CAMTA1: variants seen among roughly 807,000 people sequenced by gnomAD.
CAMTA1 encodes the protein calmodulin-binding transcription activator 1.
Under a neutral mutation model 170.9 loss-of-function variants are expected in CAMTA1, and 27 were observed. The ratio of observed to expected loss-of-function variants is 0.16; its 90% CI spans 0.12 to 0.22. The LOEUF is 0.22. Ranked by LOEUF, CAMTA1 falls within the 10% of genes least tolerant of loss-of-function variation. CAMTA1 has a pLI of 1.00. For synonymous variants in CAMTA1, 833 were observed against 891.5 expected (o/e 0.93, Z 1.17); for missense variants, 1,619 against 2,217.2 (o/e 0.73, Z 5.42).
chr1:7,018,123 CTGG>C (rs139734803), intron 3 of CAMTA1, among the ~76,000 whole-genome samples: 9,129 of 130,502 alleles, frequency 0.07, 1 homozygote, highest in East Asian at 0.095. Flanking sequence ...GGCACCACGC[CTGG>C]CTAATGCCAG....
chr1:7,255,418 C>T (rs1406545663), intron 5 of CAMTA1, among the ~76,000 whole-genome samples: 1 of 152,214 alleles, frequency 6.6e-6, no homozygotes, highest in Non-Finnish European at 1.5e-5. Flanking sequence ...AGTCCATACC[C>T]TACCGTATTC....
At chr1:6,846,073 A>G (rs1432377576) in intron 3 of CAMTA1, among the ~76,000 whole-genome samples, 17 of 152,200 alleles carry the variant, frequency 1.1e-4, no homozygotes, top group Admixed American at 1.1e-3. Flanking sequence ...TATGGGGGAA[A>G]CAGTCCCCAT....
At chr1:7,232,072 A>AGTGG (rs1261193420) in intron 4 of CAMTA1, among the ~76,000 whole-genome samples, 2 of 152,222 alleles carry the variant, frequency 1.3e-5, no homozygotes, top group South Asian at 4.1e-4. Flanking sequence ...GTTCTCCCTG[A>AGTGG]GTGGGTGGTC....
intron 5 of CAMTA1, among the ~76,000 whole-genome samples, chr1:7,464,997 T>C (rs1388388234): frequency 6.6e-6 from 1 of 152,200 alleles, no homozygotes; most frequent in Admixed American, 6.5e-5. Flanking sequence ...AAAGCGCGAC[T>C]CCACACAAGT....
In CAMTA1 at chr1:7,737,242, C is replaced by T. The variant is rs751669737; in HGVS notation, c.3343-13C>T. ...CTGATTGAGAACGCTTGCTGTGTCT[C>T]CCTGTCTTCTAGATGTGGGCGTGTG... On this transcript the variant is annotated splice_polypyrimidine_tract_variant and intron_variant, in intron 14 of 22. Transcript: ENST00000303635. 5.6e-6 allele frequency: 9 copies of T among 1,609,118 alleles called. No homozygotes were observed. The highest frequency in any genetic ancestry group is 7.6e-6 in the Non-Finnish European group (9 of 1,176,990).
intron 4 of CAMTA1, among the ~76,000 whole-genome samples, chr1:7,135,936 A>G (rs1173531507): frequency 3.9e-5 from 6 of 152,172 alleles, no homozygotes; most frequent in Non-Finnish European, 4.4e-5. Flanking sequence ...GCCAAATCCA[A>G]TACACCTCTA....
chr1:7,103,635 A>G (rs980588282), intron 4 of CAMTA1, among the ~76,000 whole-genome samples: 13 of 130,716 alleles, frequency 9.9e-5, no homozygotes, highest in Non-Finnish European at 1.6e-4. Context: ...ACAACTACAC[A>G]CACGCACACA....
intron 16 of CAMTA1, among the ~76,000 whole-genome samples, chr1:7,739,418 A>G (rs1279477833): frequency 6.6e-6 from 1 of 152,196 alleles, no homozygotes; most frequent in East Asian, 1.9e-4. Flanking sequence ...AGAAGCTTGC[A>G]TGCTCACCAA....
At chr1:7,242,771 A>AAATAAAT (rs1553285049) in intron 4 of CAMTA1, among the ~76,000 whole-genome samples, 8 of 145,468 alleles carry the variant, frequency 5.5e-5, no homozygotes, top group African/African-American at 2.1e-4. Flanking sequence ...TACTGAAAAT[A>AAATAAAT]AAATAAATAA....
intron 14 of CAMTA1, 56 bp from the exon 15 acceptor site, chr1:7,737,199 C>A (rs1251295236): frequency 6.4e-7 from 1 of 1,554,584 alleles, no homozygotes; most frequent in Non-Finnish European, 8.8e-7. Context: ...TGGCAAAAGT[C>A]AGGTCTGGTC....
intron 5 of CAMTA1, among the ~76,000 whole-genome samples, chr1:7,403,937 G>A (rs1046536101): frequency 5.9e-5 from 9 of 152,174 alleles, no homozygotes; most frequent in Non-Finnish European, 1.0e-4. Flanking sequence ...GGCAGAGTCC[G>A]GGCCCCTGAC....
intron 3 of CAMTA1, among the ~76,000 whole-genome samples, chr1:7,049,157 T>C (rs1051341655): frequency 5.3e-5 from 8 of 152,174 alleles, no homozygotes; most frequent in Non-Finnish European, 1.2e-4. Context: ...GGGGTTCATG[T>C]ACGAACTACA....
At chr1:7,503,978 G>A (rs977597685) in intron 6 of CAMTA1, among the ~76,000 whole-genome samples, 6 of 152,184 alleles carry the variant, frequency 3.9e-5, no homozygotes, top group African/African-American at 9.6e-5. Context: ...GCCTCAGAAC[G>A]GGAGAACCAG....
intron 5 of CAMTA1, among the ~76,000 whole-genome samples, chr1:7,257,559 A>T (rs1404720168): frequency 8.3e-6 from 1 of 121,008 alleles, no homozygotes. Context: ...TCCACGGCAC[A>T]CCCACTCTGG....
At chr1:7,200,867 G>C (rs554290474) in intron 4 of CAMTA1, among the ~76,000 whole-genome samples, 1 of 152,234 alleles carries the variant, frequency 6.6e-6, no homozygotes, top group Non-Finnish European at 1.5e-5. Flanking sequence ...TTCTCATCAG[G>C]CTTAAAAATT....
intron 5 of CAMTA1, among the ~76,000 whole-genome samples, chr1:7,398,281 A>G (rs1455527294): frequency 7.1e-6 from 1 of 140,688 alleles, no homozygotes; most frequent in African/African-American, 2.6e-5. Context: ...GTGCATGTGT[A>G]TTTATAAACA....
intron 4 of CAMTA1, among the ~76,000 whole-genome samples, chr1:7,126,440 A>G (rs1011459469): frequency 1.3e-5 from 2 of 152,238 alleles, no homozygotes; most frequent in African/African-American, 2.4e-5. Flanking sequence ...AGATTAAATA[A>G]TGGATTTTGT....
intron 4 of CAMTA1, among the ~76,000 whole-genome samples, chr1:7,095,044 A>C (rs970750628): frequency 2.0e-5 from 3 of 148,584 alleles, no homozygotes; most frequent in Non-Finnish European, 3.0e-5. Context: ...GTTTAGTCTC[A>C]CCCCCACCCC....
chr1:6,850,357 T>A (rs1437323979), intron 3 of CAMTA1, among the ~76,000 whole-genome samples: 1 of 152,200 alleles, frequency 6.6e-6, no homozygotes, highest in African/African-American at 2.4e-5. Flanking sequence ...ATCTAAATGA[T>A]CTATCAAAAA....
Sources: gnomAD v4.1 joint callset for allele counts (sites outside exome capture counted in the v4.1 genomes callset) on GRCh38, gnomAD v4.1.1 for gene constraint, MANE v1.5 for transcripts, NCBI Gene and HGNC (gene_info 2026-07-23, HGNC 2026-07-21) for gene names.